Variants in PCDH11X observed in about 807,000 individuals in gnomAD.
The protein encoded by PCDH11X is protocadherin 11 X-linked.
PCDH11X carries 18 observed loss-of-function variants against 53.3 expected under a neutral mutation model. That is an observed-to-expected ratio of 0.34 (90% CI 0.23 to 0.50). The LOEUF (loss-of-function observed/expected upper bound fraction) is 0.50. Ranked by LOEUF, PCDH11X falls within the 20% of genes least tolerant of loss-of-function variation. The pLI is 0.98. For missense variants in PCDH11X, 570 were observed against 1,032.4 expected (o/e 0.55, Z 6.14); for synonymous variants, 279 against 393.3 (o/e 0.71, Z 3.44).
At chrX:92,046,596 T>C (rs1342617329) in intron 6 of PCDH11X, among the ~76,000 whole-genome samples, 1 of 111,392 alleles carries the variant, frequency 9.0e-6, no homozygotes, top group Non-Finnish European at 1.9e-5. Context: ...ACATAGTGTG[T>C]GTTGGCTGAT....
At chrX:92,105,312 A>T (rs1393948291) in intron 6 of PCDH11X, among the ~76,000 whole-genome samples, 1 of 110,917 alleles carries the variant, frequency 9.0e-6, no homozygotes, top group Non-Finnish European at 1.9e-5. Flanking sequence ...AATTGGTGAG[A>T]TGTTTCTTGG....
At chrX:92,185,755 A>C (rs1014016737) in intron 6 of PCDH11X, among the ~76,000 whole-genome samples, 4 of 111,240 alleles carry the variant, frequency 3.6e-5, no homozygotes, top group African/African-American at 1.3e-4. Flanking sequence ...TCAACATCAC[A>C]AATCATCAGG....
At chrX:92,407,444 G>C (rs2071545622) in intron 9 of PCDH11X, among the ~76,000 whole-genome samples, 1 of 108,222 alleles carries the variant, frequency 9.2e-6, no homozygotes. Context: ...ATAGCCATTT[G>C]ACACCATATT....
intron 6 of PCDH11X, among the ~76,000 whole-genome samples, chrX:92,165,072 C>G (rs1167276564): frequency 9.3e-5 from 10 of 107,873 alleles, no homozygotes; most frequent in Non-Finnish European, 1.9e-5. Flanking sequence ...TGAAAACAGA[C>G]TAATACATAC....
chrX:91,949,354 GAA>G (rs199902057), intron 6 of PCDH11X, among the ~76,000 whole-genome samples: 1 of 107,129 alleles, frequency 9.3e-6, no homozygotes, highest in Non-Finnish European at 1.9e-5. Flanking sequence ...GATATAGAGG[GAA>G]AAAAAAACTT....
intron 6 of PCDH11X, among the ~76,000 whole-genome samples, chrX:92,122,230 A>G (rs755910589): frequency 9.0e-6 from 1 of 110,506 alleles, no homozygotes; most frequent in East Asian, 2.9e-4. Context: ...TGATCTGCCC[A>G]CCTCAGCCTC....
chrX:92,582,671 G>A (rs1602384172), intron 10 of PCDH11X, among the ~76,000 whole-genome samples: 1 of 111,057 alleles, frequency 9.0e-6, no homozygotes, highest in East Asian at 2.9e-4. Context: ...GCTATAAGAA[G>A]AGGATCACCA....
At chrX:91,819,650 TTTTTTA>T (rs1184605534) in intron 4 of PCDH11X, among the ~76,000 whole-genome samples, 14 of 109,288 alleles carry the variant, frequency 1.3e-4, no homozygotes, top group African/African-American at 3.0e-4. Context: ...TTCCTTTCTT[TTTTTTA>T]TTTTTATTTT....
intron 6 of PCDH11X, among the ~76,000 whole-genome samples, chrX:91,967,392 G>A (rs965663209): frequency 9.0e-6 from 1 of 111,280 alleles, no homozygotes; most frequent in South Asian, 3.8e-4. Context: ...GATCAGCAGC[G>A]TCATTAGATT....
At chrX:92,118,631 A>G (rs1405021706) in intron 6 of PCDH11X, among the ~76,000 whole-genome samples, 1 of 108,396 alleles carries the variant, frequency 9.2e-6, no homozygotes, top group Non-Finnish European at 1.9e-5. Flanking sequence ...TAAAATTAAT[A>G]GTTCTATTAG....
At chrX:92,132,639 A>ATATATATATATATATATG (rs2065005270) in intron 6 of PCDH11X, among the ~76,000 whole-genome samples, 2 of 62,244 alleles carry the variant, frequency 3.2e-5, no homozygotes, top group African/African-American at 1.8e-4. Flanking sequence ...ATATATGTAT[A>ATATATATATATATATATG]TATATATATA....
chrX:92,402,295 T>A (rs1603301087), intron 9 of PCDH11X, among the ~76,000 whole-genome samples: 2 of 111,760 alleles, frequency 1.8e-5, no homozygotes, highest in South Asian at 7.4e-4. Context: ...TATTTTAAAA[T>A]TCATATGGAA....
intron 8 of PCDH11X, among the ~76,000 whole-genome samples, chrX:92,300,826 T>C (rs989435224): frequency 1.8e-5 from 2 of 111,551 alleles, no homozygotes; most frequent in Non-Finnish European, 3.8e-5. Flanking sequence ...TTTGACATCC[T>C]TGGGGGTTTG....
At chrX:92,469,198 ATTG>A (rs2073213842) in intron 10 of PCDH11X, among the ~76,000 whole-genome samples, 1 of 104,489 alleles carries the variant, frequency 9.6e-6, no homozygotes, top group African/African-American at 3.5e-5. Flanking sequence ...ATAAACCTGA[ATTG>A]TTATGTAAGG....
chrX:91,825,402 A>T (rs1397981293), intron 4 of PCDH11X, among the ~76,000 whole-genome samples: 1 of 111,791 alleles, frequency 8.9e-6, no homozygotes, highest in African/African-American at 3.3e-5. Flanking sequence ...AGCCCGTCGG[A>T]AAAGCACAGT....
intron 6 of PCDH11X, among the ~76,000 whole-genome samples, chrX:92,056,461 A>AC (rs2148055822): frequency 9.0e-6 from 1 of 111,224 alleles, no homozygotes; most frequent in East Asian, 2.8e-4. Context: ...GTTGGCAAGA[A>AC]TTTTCTCCCA....
At chrX:91,918,468 A>G in intron 6 of PCDH11X, among the ~76,000 whole-genome samples, 1 of 109,352 alleles carries the variant, frequency 9.1e-6, no homozygotes, top group Admixed American at 9.8e-5. Flanking sequence ...TATGTGCTAA[A>G]CCTCTAGGAA....
At chrX:92,251,122 A>G (rs1396071032) in intron 7 of PCDH11X, among the ~76,000 whole-genome samples, 2 of 110,978 alleles carry the variant, frequency 1.8e-5, no homozygotes, top group African/African-American at 6.5e-5. Context: ...GCACTTTACG[A>G]ATATTCTGAA....
At position 91,878,442 on chromosome X, in the gene PCDH11X, A is replaced by G. The variant is rs1166653890; in HGVS notation, c.2202A>G (p.Thr734=). 1 of 1,206,850 alleles carries G rather than the reference A, an allele frequency of 8.3e-7. No homozygotes were observed. The highest frequency in any genetic ancestry group is 1.1e-6 in the Non-Finnish European group (1 of 893,381). ...FAIDQETGNI[T]LMEKCDVTDL... ...TCGACCAAGAAACAGGCAACATAACATTGATGGAGAAATGTGATGTTACAG... is the reference window on the plus strand; with the variant it reads ...TCGACCAAGAAACAGGCAACATAACGTTGATGGAGAAATGTGATGTTACAG... Residue 734 remains threonine, a synonymous_variant, in exon 6 of 11, where the codon ACA becomes ACG. Coordinates refer to ENST00000682573, the MANE Select transcript of PCDH11X (RefSeq NM_032968.5).
Sources: allele counts gnomAD v4.1 joint callset (sites outside exome capture counted in the v4.1 genomes callset), GRCh38; gene constraint gnomAD v4.1.1; transcripts MANE v1.5; gene names NCBI Gene and HGNC (gene_info 2026-07-23, HGNC 2026-07-21).